Variants in VTI1A observed in about 807,000 individuals in gnomAD.
VTI1A encodes vesicle transport through interaction with t-SNAREs homolog 1A.
A neutral mutation model predicts 34.9 loss-of-function variants in VTI1A; 22 were observed. The ratio of observed to expected loss-of-function variants is 0.63; its 90% CI spans 0.45 to 0.90. VTI1A has a LOEUF of 0.90. Among genes scored for constraint, VTI1A ranks in the 40% least tolerant of loss-of-function variants. The pLI, the probability that VTI1A is intolerant of heterozygous loss-of-function variation, is 0.00. For synonymous variants in VTI1A, 87 were observed against 97.3 expected (o/e 0.89, Z 0.62); for missense variants, 268 against 275.6 (o/e 0.97, Z 0.20).
At chr10:112,576,295 C>T (rs978154751) in intron 5 of VTI1A, among the ~76,000 whole-genome samples, 2 of 150,918 alleles carry the variant, frequency 1.3e-5, no homozygotes, top group African/African-American at 4.9e-5. Flanking sequence ...GCTGGGATTA[C>T]AGGCGTGAGC....
At chr10:112,533,504 C>CTT in intron 4 of VTI1A, 1 of 1,007,860 alleles carries the variant, frequency 9.9e-7, no homozygotes. Flanking sequence ...TCCTTTTTAT[C>CTT]TTTTTTTTGT....
chr10:112,680,363 G>A (rs1848171398), intron 7 of VTI1A, among the ~76,000 whole-genome samples: 1 of 152,086 alleles, frequency 6.6e-6, no homozygotes, highest in Admixed American at 6.5e-5. Flanking sequence ...TTATCTTGTG[G>A]TATAGATAGT....
downstream of VTI1A, among the ~76,000 whole-genome samples, chr10:112,819,564 C>T (rs1005565847): frequency 1.3e-5 from 2 of 152,154 alleles, no homozygotes; most frequent in Non-Finnish European, 1.5e-5. Flanking sequence ...TGGGCATCTC[C>T]GTGCCGTCAA....
At chr10:112,486,184 A>G (rs1383835882) in intron 3 of VTI1A, among the ~76,000 whole-genome samples, 1 of 152,148 alleles carries the variant, frequency 6.6e-6, no homozygotes, top group African/African-American at 2.4e-5. Flanking sequence ...ATTTTGGTTT[A>G]TGGAGGCTTA....
At chr10:112,608,462 A>G (rs1357087825) in intron 5 of VTI1A, among the ~76,000 whole-genome samples, 2 of 152,178 alleles carry the variant, frequency 1.3e-5, no homozygotes, top group East Asian at 3.9e-4. Flanking sequence ...TAGTTTTTAA[A>G]GTTTGTAGGT....
At chr10:112,643,014 A>G (rs1321404181) in intron 5 of VTI1A, among the ~76,000 whole-genome samples, 4 of 123,146 alleles carry the variant, frequency 3.2e-5, no homozygotes, top group Non-Finnish European at 6.4e-5. Flanking sequence ...ACAGAGTCTC[A>G]CTCTTGTCAC....
downstream of VTI1A, among the ~76,000 whole-genome samples, chr10:112,819,649 T>G (rs1221815939): frequency 6.6e-6 from 1 of 152,148 alleles, no homozygotes; most frequent in East Asian, 1.9e-4. Context: ...CTTCTGTCCT[T>G]TTTCCTTTCT....
intron 3 of VTI1A, among the ~76,000 whole-genome samples, chr10:112,500,307 C>T (rs1244399140): frequency 2.0e-5 from 3 of 151,820 alleles, no homozygotes; most frequent in Admixed American, 6.6e-5. Context: ...TGGAGGCTCG[C>T]GCCTGAAGTC....
chr10:112,802,539 G>C (rs1327386667), intron 7 of VTI1A, among the ~76,000 whole-genome samples: 6 of 152,144 alleles, frequency 3.9e-5, no homozygotes. Context: ...ACCTGGCCTG[G>C]AGTAAAGCCC....
the VTI1A span, among the ~76,000 whole-genome samples, chr10:112,851,051 T>C: frequency 1.3e-5 from 2 of 152,262 alleles, no homozygotes; most frequent in Admixed American, 6.5e-5. Flanking sequence ...TTCCGAACTC[T>C]GCTTTCACAT....
intron 5 of VTI1A, among the ~76,000 whole-genome samples, chr10:112,546,345 CTGCT>C (rs1851127397): frequency 6.6e-6 from 1 of 152,022 alleles, no homozygotes; most frequent in South Asian, 2.1e-4. Context: ...GGTGGGAAGA[CTGCT>C]TGAAGTCAGG....
chr10:112,821,773 C>T (rs572857814), downstream of VTI1A, among the ~76,000 whole-genome samples: 1 of 152,350 alleles, frequency 6.6e-6, no homozygotes, highest in East Asian at 1.9e-4. Flanking sequence ...GTGCATCAGC[C>T]GCAGGCTGGG....
Position 112,517,312 on chromosome 10 carries a change from ATC to A in VTI1A, c.265-9773_265-9772del, listed in dbSNP as rs372208324. Among the ~76,000 whole-genome samples, 793 of 152,204 alleles carry A rather than the reference ATC, an allele frequency of 5.2e-3. 5 individuals are homozygous for A. The highest frequency in any genetic ancestry group is 0.018 in the African/African-American group (747 of 41,556). On this transcript the variant is annotated intron_variant, in intron 3 of 7. Coordinates refer to ENST00000393077, the MANE Select transcript of VTI1A (RefSeq NM_145206.4). The stretch of plus-strand genomic sequence containing the variant: ...GGCCATTGCAGCTAAAATTGGCACA[ATC>A]TGAGCAACAAAAGAAATGAAGTAGT...
At chr10:112,766,146 C>T (rs1851640907) in intron 7 of VTI1A, among the ~76,000 whole-genome samples, 1 of 152,086 alleles carries the variant, frequency 6.6e-6, no homozygotes, top group Non-Finnish European at 1.5e-5. Flanking sequence ...GTAGCACGTG[C>T]TAAGGAATGT....
chr10:112,464,710 T>G (rs1847840101), intron 3 of VTI1A, 53 bp downstream of exon 3: 1 of 1,464,312 alleles, frequency 6.8e-7, no homozygotes, highest in African/African-American at 1.4e-5. Context: ...AAATGTTTCC[T>G]CCTCATGCCT....
chr10:112,770,824 AG>A (rs1029365370), intron 7 of VTI1A, among the ~76,000 whole-genome samples: 1 of 152,178 alleles, frequency 6.6e-6, no homozygotes, highest in Non-Finnish European at 1.5e-5. Flanking sequence ...TCCTAACAAA[AG>A]TTTCTTCAGA....
At position 112,668,255 on chromosome 10, in the gene VTI1A, T is replaced by A. The variant is rs765058232; in HGVS notation, c.465T>A (p.His155Gln). Residue 155 changes from histidine to glutamine, a missense_variant, in exon 6 of 8, where the codon CAT (histidine) becomes CAA (glutamine). By Grantham distance (24) the His-to-Gln change is conservative. Coordinates refer to ENST00000393077, the MANE Select transcript of VTI1A (RefSeq NM_145206.4). ...IGQEMLENLS[H>Q]DREKIQRARE... ...AGGAGATGTTGGAAAACCTTAGTCA[T>A]GACAGAGAAAAGATACAGCGAGCAC... The A allele has an allele frequency of 1.9e-6, 3 of 1,612,644 alleles. No individual in the cohort carries two copies. Among genetic ancestry groups the A allele is most frequent in the South Asian group, 2.2e-5 (2 of 90,988 alleles).
the VTI1A span, among the ~76,000 whole-genome samples, chr10:112,836,884 A>G: frequency 7.9e-5 from 12 of 152,330 alleles, no homozygotes; most frequent in African/African-American, 2.9e-4. Context: ...TAAATAAACC[A>G]TCTCGGAAGA....
At chr10:112,729,073 C>G (rs1850151919) in intron 7 of VTI1A, among the ~76,000 whole-genome samples, 1 of 151,984 alleles carries the variant, frequency 6.6e-6, no homozygotes, top group African/African-American at 2.4e-5. Flanking sequence ...AAAAAAATAG[C>G]CTTCTTTGCT....
Sources: allele counts gnomAD v4.1 joint callset (sites outside exome capture counted in the v4.1 genomes callset), GRCh38; gene constraint gnomAD v4.1.1; transcripts MANE v1.5; gene names NCBI Gene and HGNC (gene_info 2026-07-23, HGNC 2026-07-21).